Variants in REV3L observed in about 807,000 individuals in gnomAD.
REV3L encodes the protein REV3 like, DNA directed polymerase zeta catalytic subunit, also known as DNA polymerase zeta catalytic subunit.
Under a neutral mutation model 299.4 loss-of-function variants are expected in REV3L, and 69 were observed. The ratio of observed to expected loss-of-function variants is 0.23; its 90% CI spans 0.19 to 0.28. REV3L has a LOEUF of 0.28. REV3L is among the 10% of genes least tolerant of loss of function. The pLI is 1.00. For synonymous variants in REV3L, 1,238 were observed against 1,271.4 expected (o/e 0.97, Z 0.56); for missense variants, 3,128 against 3,693.8 (o/e 0.85, Z 3.97).
chr6:111,412,912 T>C (rs1038665938), intron 2 of REV3L, among the ~76,000 whole-genome samples: 7 of 152,112 alleles, frequency 4.6e-5, no homozygotes, highest in Admixed American at 4.6e-4. Flanking sequence ...ATCCCTCAAG[T>C]GGAAAGCTCC....
intron 22 of REV3L, 23 bp from the exon 23 acceptor site, chr6:111,333,390 G>A: frequency 6.2e-7 from 1 of 1,610,518 alleles, no homozygotes; most frequent in South Asian, 1.1e-5. Context: ...AGGGAGGTGA[G>A]AAGAGAAGAA....
chr6:111,460,694 G>A, intron 1 of REV3L, among the ~76,000 whole-genome samples: 1 of 152,170 alleles, frequency 6.6e-6, no homozygotes, highest in East Asian at 1.9e-4. Context: ...ATGAACAACA[G>A]TATAAACGGT....
intron 1 of REV3L, among the ~76,000 whole-genome samples, chr6:111,421,046 T>C (rs12214097): frequency 0.49 from 73,712 of 151,948 alleles, 20,702 homozygotes; most frequent in Non-Finnish European, 0.63. Flanking sequence ...GAGAATGGCG[T>C]GAACCCGGGA....
At chr6:111,339,987 A>G (rs536410805) in intron 21 of REV3L, among the ~76,000 whole-genome samples, 1 of 152,308 alleles carries the variant, frequency 6.6e-6, no homozygotes, top group South Asian at 2.1e-4. Context: ...GAAGGGAAAC[A>G]TACTTATAAA....
chr6:111,398,741 GATAAA>G (rs1317719499), intron 4 of REV3L, among the ~76,000 whole-genome samples: 1 of 151,884 alleles, frequency 6.6e-6, no homozygotes, highest in East Asian at 1.9e-4. Context: ...GAGATAACAT[GATAAA>G]ATAAAATAAA....
chr6:111,329,306 G>A (rs1775147721), intron 25 of REV3L, among the ~76,000 whole-genome samples: 1 of 150,940 alleles, frequency 6.6e-6, no homozygotes, highest in Non-Finnish European at 1.5e-5. Flanking sequence ...GCCTCCCAAA[G>A]TGTTGGGATT....
chr6:111,400,789 A>G (rs1477810052), intron 4 of REV3L, among the ~76,000 whole-genome samples: 2 of 152,160 alleles, frequency 1.3e-5, no homozygotes, highest in Non-Finnish European at 2.9e-5. Flanking sequence ...GCCAAACCCA[A>G]GACTGGGTAC....
At chr6:111,329,457 G>A (rs1004175178) in intron 25 of REV3L, 75 bp downstream of exon 25, 2 of 1,371,188 alleles carry the variant, frequency 1.5e-6, no homozygotes, top group East Asian at 4.6e-5. Flanking sequence ...AAGTAACTGG[G>A]AATACAGGTG....
chr6:111,328,865 T>C (rs988890813), intron 25 of REV3L, among the ~76,000 whole-genome samples: 12 of 152,030 alleles, frequency 7.9e-5, no homozygotes, highest in African/African-American at 2.9e-4. Flanking sequence ...TCCTGGGCTC[T>C]AGTGATCCTC....
chr6:111,327,839 A>G (rs1409725619), intron 25 of REV3L, among the ~76,000 whole-genome samples: 2 of 152,216 alleles, frequency 1.3e-5, no homozygotes, highest in Non-Finnish European at 2.9e-5. Context: ...TTTCCACTAT[A>G]GATGGTATTT....
rs1267501373 is a variant in REV3L, at chr6:111,359,011, G to T, written c.6883C>A (p.Gln2295Lys). 6.2e-7 allele frequency: 1 copy of T among 1,605,670 alleles called. No individual in the cohort carries two copies. Among genetic ancestry groups the T allele is most frequent in the South Asian group, 1.1e-5 (1 of 89,274 alleles). The part of the protein sequence containing the change: ...LQEAKALHEI[Q>K]NLTLISVELH... ...TCCACACTGATTAGGGTAAGATTTT[G>T]TATCTATAAAAGCAAATAAATACTA... The change falls in exon 17 of 32, where the codon CAA becomes AAA. Residue 2295 changes from glutamine (Q) to lysine (K), a missense_variant. By Grantham distance (53) the Gln-to-Lys change is moderately conservative (BLOSUM62 1). This residue lies in a region of REV3L where 2,409 missense variants were observed against 2,611.8 expected (regional missense o/e 0.92). Coordinates refer to ENST00000368802, the MANE Select transcript of REV3L (RefSeq NM_001372078.1).
At chr6:111,323,065 T>G (rs1379017437) in intron 25 of REV3L, among the ~76,000 whole-genome samples, 1 of 151,946 alleles carries the variant, frequency 6.6e-6, no homozygotes, top group Non-Finnish European at 1.5e-5. Flanking sequence ...CTTGGCTCAC[T>G]GCAACCTCTG....
At chr6:111,393,034 G>T (rs1276987527) in intron 4 of REV3L, 62 bp from the exon 5 acceptor site, 4 of 1,265,282 alleles carry the variant, frequency 3.2e-6, no homozygotes, top group Admixed American at 1.9e-5. Flanking sequence ...TTACTTTTTA[G>T]AAGGTAAATT....
chr6:111,379,608 T>A (rs1374789470), intron 11 of REV3L, among the ~76,000 whole-genome samples: 1 of 152,240 alleles, frequency 6.6e-6, no homozygotes, highest in East Asian at 1.9e-4. Flanking sequence ...CCATACCCTG[T>A]CTTCAGGCTG....
chr6:111,319,780 GT>G lies in REV3L; in HGVS notation c.8351+2788del, dbSNP rs1773934094. ...TTAATGGTTATGCCATCATCTAGGA[GT>G]ATAGCTAGAAAGAGAATCCAGGTCT... On this transcript the variant is annotated intron_variant, in intron 26 of 31. Transcript: ENST00000368802. Among the ~76,000 whole-genome samples the G allele has an allele frequency of 2.6e-5, 4 of 151,870 alleles. No homozygotes were observed. In the South Asian group the frequency reaches 8.3e-4, roughly 32 times the overall value.
chr6:111,425,327 C>T (rs974337289), intron 1 of REV3L, among the ~76,000 whole-genome samples: 17 of 152,242 alleles, frequency 1.1e-4, no homozygotes, highest in East Asian at 7.7e-4. Context: ...GGTGTGGTGG[C>T]GGGCACCTGT....
intron 1 of REV3L, among the ~76,000 whole-genome samples, chr6:111,451,660 A>G (rs2128317095): frequency 6.6e-6 from 1 of 152,300 alleles, no homozygotes; most frequent in African/African-American, 2.4e-5. Context: ...GCTACCTCAC[A>G]GCTTAAAAAG....
intron 1 of REV3L, among the ~76,000 whole-genome samples, chr6:111,446,357 A>ACACTAGCTAGG (rs1341134283): frequency 2.6e-5 from 4 of 152,170 alleles, no homozygotes; most frequent in Non-Finnish European, 4.4e-5. Flanking sequence ...ATGCTAGTGT[A>ACACTAGCTAGG]AATTAGGAAC....
rs774371199 is a variant in REV3L, at chr6:111,390,195, T to C, written c.663-15A>G. 1 of 1,478,878 alleles carries C rather than the reference T, an allele frequency of 6.8e-7. No individual in the cohort carries two copies. Among genetic ancestry groups the C allele is most frequent in the Non-Finnish European group, 9.4e-7 (1 of 1,059,248 alleles). The allele number at this position is 1,478,878 out of a possible 1,614,324, so 91.6% of individuals were successfully genotyped here. A position where few individuals can be genotyped will look rare whatever the true frequency, so the allele number is the denominator to read the frequency against. On this transcript the variant is annotated splice_polypyrimidine_tract_variant and intron_variant, in intron 5 of 31. Coordinates refer to ENST00000368802, the MANE Select transcript of REV3L (RefSeq NM_001372078.1). ...ATATTAAAGAGCTGCAATTAAAGGA[T>C]ATAAAAAACATAATAATTATGTGAG...
Sources: gnomAD v4.1 joint callset for allele counts (sites outside exome capture counted in the v4.1 genomes callset) on GRCh38, gnomAD v4.1.1 for gene constraint, gnomAD v4.1.1 regional missense constraint, MANE v1.5 for transcripts, NCBI Gene and HGNC (gene_info 2026-07-23, HGNC 2026-07-21) for gene names.